The following SLC12A3 variants were observed in gnomAD, a reference collection of about 807,000 sequenced individuals.
SLC12A3 encodes the protein solute carrier family 12 member 3, also known as Na-Cl cotransporter.
A neutral mutation model predicts 121.0 loss-of-function variants in SLC12A3; 104 were observed. The observed-to-expected ratio is 0.86, with a 90% CI of 0.73 to 1.01. The LOEUF (loss-of-function observed/expected upper bound fraction) is 1.01, where lower values mean the gene tolerates loss of function less well. Among genes scored for constraint, SLC12A3 ranks in the 50% least tolerant of loss-of-function variants. The pLI is 0.00. For synonymous variants in SLC12A3, 536 were observed against 533.4 expected, an observed-to-expected ratio of 1.00 and a Z score of -0.07; for missense variants, 1,328 against 1,356.3, an observed-to-expected ratio of 0.98 and a Z score of 0.33.
intron 17 of SLC12A3, among the ~76,000 whole-genome samples, chr16:56,887,498 T>C (rs890153768): frequency 4.6e-5 from 7 of 151,658 alleles, no homozygotes; most frequent in African/African-American, 1.5e-4. Flanking sequence ...TGAGCCACCA[T>C]GCCTGGCCAG....
At chr16:56,911,758 G>T (rs1350549477) in intron 25 of SLC12A3, among the ~76,000 whole-genome samples, 2 of 152,224 alleles carry the variant, frequency 1.3e-5, no homozygotes, top group African/African-American at 4.8e-5. Context: ...AGCAGAGGCT[G>T]CTGCGGAGGG....
At chr16:56,883,374 G>A (rs185862677) in intron 13 of SLC12A3, among the ~76,000 whole-genome samples, 2 of 144,586 alleles carry the variant, frequency 1.4e-5, no homozygotes, top group Admixed American at 7.4e-5. Flanking sequence ...TCCACCTCCC[G>A]GGTTCATGCC....
At chr16:56,889,759 A>G (rs572375853) in intron 18 of SLC12A3, among the ~76,000 whole-genome samples, 1 of 152,194 alleles carries the variant, frequency 6.6e-6, no homozygotes, top group East Asian at 1.9e-4. Context: ...ACAGGCGTAA[A>G]CCACTGCGCC....
At chr16:56,886,085 C>G (rs76567465) in intron 15 of SLC12A3, among the ~76,000 whole-genome samples, 1 of 152,200 alleles carries the variant, frequency 6.6e-6, no homozygotes, top group Non-Finnish European at 1.5e-5. Context: ...GTTCTTTCCC[C>G]CACCATGCTG....
chr16:56,908,161 C>CTTTTTTTTTTTTTTTT (rs55644914), intron 25 of SLC12A3, among the ~76,000 whole-genome samples: 4 of 96,988 alleles, frequency 4.1e-5, no homozygotes, highest in Admixed American at 1.2e-4. Flanking sequence ...AGTGATATAA[C>CTTTTTTTTTTTTTTTT]TTTTTTTTTT....
intron 12 of SLC12A3, among the ~76,000 whole-genome samples, chr16:56,881,449 G>A (rs1320845795): frequency 6.6e-6 from 1 of 152,128 alleles, no homozygotes; most frequent in African/African-American, 2.4e-5. Flanking sequence ...TCATCTGGGG[G>A]GGGGTCTGAC....
In SLC12A3 at chr16:56,882,472, C is replaced by G. The variant is rs541847708; in HGVS notation, c.1644C>G (p.Phe548Leu). 7 of 1,613,920 alleles carry G rather than the reference C, an allele frequency of 4.3e-6. No individual in the cohort carries two copies. The highest frequency in any genetic ancestry group is 5.1e-6 in the Non-Finnish European group (6 of 1,179,934). ...CSYALINFSC[F>L]HASITNSPGW... is the part of the protein sequence containing the mutation. ...ATGCCCTCATCAACTTCAGCTGCTTCCACGCCTCCATCACCAACTCGCCTG... is the reference window on the plus strand; with the variant it reads ...ATGCCCTCATCAACTTCAGCTGCTTGCACGCCTCCATCACCAACTCGCCTG... Residue 548 changes from phenylalanine (F) to leucine (L), a missense_variant, in exon 13 of 26, where the codon TTC becomes TTG. Coordinates refer to ENST00000563236, the MANE Select transcript of SLC12A3 (RefSeq NM_001126108.2).
At chr16:56,901,583 G>A (rs2055539701) in intron 23 of SLC12A3, among the ~76,000 whole-genome samples, 1 of 151,960 alleles carries the variant, frequency 6.6e-6, no homozygotes, top group African/African-American at 2.4e-5. Context: ...CAGGTGATCC[G>A]CCCGCCTCGG....
rs1964336706 is a variant in SLC12A3, at chr16:56,865,637, CT to C, written c.282+121del. On this transcript the variant is annotated intron_variant, in intron 1 of 25. Coordinates refer to ENST00000563236, the MANE Select transcript of SLC12A3 (RefSeq NM_001126108.2). ...ATGGGGATGGAGGAGCGTCTTCTTC[CT>C]GGGTTGAGAGGCCCCAGTGAAATAG... The C allele has an allele frequency of 1.4e-5, 16 of 1,145,236 alleles. No individual in the cohort carries two copies. The East Asian group carries it at 4.0e-4, about 29-fold the overall frequency. The allele number at this position is 1,145,236 out of a possible 1,614,324, so 70.9% of individuals were successfully genotyped here. A position where few individuals can be genotyped will look rare whatever the true frequency, so the allele number is the denominator to read the frequency against.
chr16:56,913,117 G>A (rs549203458), intron 25 of SLC12A3, 147 bp from the exon 26 acceptor site: 5 of 994,544 alleles, frequency 5.0e-6, no homozygotes, highest in African/African-American at 3.2e-5. Flanking sequence ...AGGTTTGTGC[G>A]GAAAGTGGGG....
At chr16:56,878,049 T>TCCCCCCCCCCCC in intron 8 of SLC12A3, 28 bp from the exon 9 acceptor site, 3 of 288,256 alleles carry the variant, frequency 1.0e-5, no homozygotes, top group East Asian at 9.3e-5. Flanking sequence ...CCTCCCTCCC[T>TCCCCCCCCCCCC]CCCTCCCTCT....
At chr16:56,899,105 G>A (rs1219470704) in intron 22 of SLC12A3, among the ~76,000 whole-genome samples, 4 of 152,188 alleles carry the variant, frequency 2.6e-5, no homozygotes, top group African/African-American at 7.2e-5. Context: ...GTGGGTATTC[G>A]TTTCCTGTCT....
At chr16:56,868,628 C>T (rs771614217) in intron 3 of SLC12A3, among the ~76,000 whole-genome samples, 9 of 152,220 alleles carry the variant, frequency 5.9e-5, no homozygotes, top group Non-Finnish European at 1.2e-4. Context: ...AGCCACTTAA[C>T]CTCTCAGAGC....
chr16:56,875,666 G>A (rs994023924), intron 8 of SLC12A3, among the ~76,000 whole-genome samples: 17 of 152,014 alleles, frequency 1.1e-4, no homozygotes, highest in African/African-American at 3.9e-4. Context: ...CTTGTCACCT[G>A]CCAAGTTATT....
chr16:56,890,478 G>C, intron 19 of SLC12A3, 122 bp downstream of exon 19: 2 of 790,358 alleles, frequency 2.5e-6, no homozygotes, highest in Non-Finnish European at 4.3e-6. Context: ...GCCTCTTAAT[G>C]GTCCCTTAGA....
chr16:56,905,505 G>A (rs2055597091), intron 25 of SLC12A3, among the ~76,000 whole-genome samples: 1 of 152,092 alleles, frequency 6.6e-6, no homozygotes, highest in Non-Finnish European at 1.5e-5. Context: ...TTCGGCTCTG[G>A]TGATGTACCC....
Position 56,872,290 on chromosome 16 carries a change from G to A in SLC12A3, c.853-61G>A, listed in dbSNP as rs186455305. 5.6e-4 allele frequency: 661 copies of A among 1,189,144 alleles called. 2 individuals are homozygous for A. The highest frequency in any genetic ancestry group is 4.7e-3 in the Admixed American group (280 of 59,070). The allele number at this position is 1,189,144 out of a possible 1,614,324, so 73.7% of individuals were successfully genotyped here. ...GGCCCTGGGCAAATCATTTTCTGGCGGGGCTTCCCAGAGAGGTAGAACAAA... is the reference window on the plus strand; with the variant it reads ...GGCCCTGGGCAAATCATTTTCTGGCAGGGCTTCCCAGAGAGGTAGAACAAA... On this transcript the variant is annotated intron_variant, in intron 6 of 25. Coordinates refer to ENST00000563236, the MANE Select transcript of SLC12A3 (RefSeq NM_001126108.2).
chr16:56,885,382 G>A lies in SLC12A3; in HGVS notation c.1925+18G>A. On this transcript the variant is annotated intron_variant, in intron 15 of 25. Transcript: ENST00000563236. ...AACTACCGGTGAGCAGAGCTGCTGG[G>A]ACCCACCTGGGACCCCAGGGCCAGT... 2.0e-6 allele frequency: 3 copies of A among 1,489,008 alleles called. No homozygotes were observed. The highest frequency in any genetic ancestry group is 2.8e-6 in the Non-Finnish European group (3 of 1,089,972). 92.2% of individuals were successfully genotyped at this position (1,489,008 alleles called of 1,614,324 possible).
intron 1 of SLC12A3, 82 bp downstream of exon 1, chr16:56,865,599 T>C: frequency 6.8e-7 from 1 of 1,465,796 alleles, no homozygotes; most frequent in African/African-American, 1.4e-5. Flanking sequence ...GCCTCAGTTC[T>C]GTCATCTGTG....
Sources: gnomAD v4.1 joint callset for allele counts (sites outside exome capture counted in the v4.1 genomes callset) on GRCh38, gnomAD v4.1.1 for gene constraint, MANE v1.5 for transcripts, NCBI Gene and HGNC (gene_info 2026-07-23, HGNC 2026-07-21) for gene names.